The following IKZF2 variants were observed in gnomAD, a reference collection of about 807,000 sequenced individuals.
The protein encoded by IKZF2 is zinc finger protein Helios.
IKZF2 carries 15 observed loss-of-function variants against 49.2 expected under a neutral mutation model. The ratio of observed to expected loss-of-function variants is 0.30; its 90% CI spans 0.20 to 0.47. IKZF2 has a LOEUF of 0.47. IKZF2 is among the 20% of genes least tolerant of loss of function. The pLI, the probability that IKZF2 is intolerant of heterozygous loss-of-function variation, is 1.00. For synonymous variants in IKZF2, 227 were observed against 221.4 expected (o/e 1.03, Z -0.23); for missense variants, 567 against 664.6 (o/e 0.85, Z 1.61).
At chr2:213,037,227 CT>C (rs1699119164) in intron 6 of IKZF2, among the ~76,000 whole-genome samples, 4 of 152,276 alleles carry the variant, frequency 2.6e-5, no homozygotes, top group African/African-American at 9.6e-5. Flanking sequence ...TTCTTTAGAA[CT>C]CCTGATAATA....
intron 4 of IKZF2, among the ~76,000 whole-genome samples, chr2:213,146,423 T>A (rs534755989): frequency 6.6e-6 from 1 of 152,172 alleles, no homozygotes; most frequent in Admixed American, 6.5e-5. Flanking sequence ...AAGGACTGCT[T>A]CTATAATTAA....
At chr2:213,101,844 C>G (rs910829004) in intron 4 of IKZF2, among the ~76,000 whole-genome samples, 5 of 152,126 alleles carry the variant, frequency 3.3e-5, no homozygotes, top group Non-Finnish European at 7.4e-5. Flanking sequence ...TACACTCACA[C>G]CTAGAGTGCA....
chr2:213,006,300 A>C lies in IKZF2; in HGVS notation c.*1060T>G, dbSNP rs1207912204. On this transcript the variant is annotated 3_prime_UTR_variant, in exon 9 of 9. Transcript: ENST00000434687. ...CACCGGGAGGTCACATCTTGAAAAA[A>C]ACTAGTGAAAAGAGAAATACCAGAA... 1.3e-5 allele frequency: 2 copies of C among 152,470 alleles called. No individual in the cohort carries two copies. Among genetic ancestry groups the C allele is most frequent in the African/African-American group, 2.4e-5 (1 of 41,414 alleles). 9.4% of individuals were successfully genotyped at this position (152,470 alleles called of 1,614,324 possible).
intron 4 of IKZF2, among the ~76,000 whole-genome samples, chr2:213,100,789 G>C (rs138717204): frequency 6.6e-6 from 1 of 151,862 alleles, no homozygotes. Flanking sequence ...CTTTTTAAAG[G>C]CCAGGTACTT....
At chr2:213,095,937 T>A (rs1559267707) in intron 4 of IKZF2, among the ~76,000 whole-genome samples, 3 of 151,902 alleles carry the variant, frequency 2.0e-5, no homozygotes, top group Admixed American at 6.6e-5. Flanking sequence ...GAAAAAAAAA[T>A]TCCCATTTGT....
chr2:213,105,465 A>G (rs2059492537), intron 4 of IKZF2, among the ~76,000 whole-genome samples: 1 of 150,888 alleles, frequency 6.6e-6, no homozygotes, highest in Admixed American at 6.7e-5. Flanking sequence ...TCATTCCTGG[A>G]CTGGTTTTCT....
At chr2:213,124,252 G>GCGCGCGCGCGCACA (rs1270409984) in intron 4 of IKZF2, among the ~76,000 whole-genome samples, 4 of 136,232 alleles carry the variant, frequency 2.9e-5, no homozygotes, top group East Asian at 5.3e-4. Context: ...GCGCGCGCGC[G>GCGCGCGCGCGCACA]CACACACACA....
intron 4 of IKZF2, among the ~76,000 whole-genome samples, chr2:213,135,775 G>C (rs1179392660): frequency 2.0e-5 from 3 of 151,568 alleles, no homozygotes; most frequent in South Asian, 2.1e-4. Context: ...GAGAAGAGAA[G>C]ACAAGACAAG....
chr2:213,018,159 G>A (rs2125084731), intron 7 of IKZF2, among the ~76,000 whole-genome samples: 1 of 152,124 alleles, frequency 6.6e-6, no homozygotes. Context: ...TGATTTTAAA[G>A]CTTTTCCTTC....
chr2:213,112,408 T>C lies in IKZF2; in HGVS notation c.139+35300A>G, dbSNP rs184058362. ...CTATGTATGTCTAAATACATATTAATGTTTATGAAAATGGCTTAATGAAAC... is the reference window on the plus strand; with the variant it reads ...CTATGTATGTCTAAATACATATTAACGTTTATGAAAATGGCTTAATGAAAC... On this transcript the variant is annotated intron_variant, in intron 4 of 8. Coordinates refer to ENST00000434687, the MANE Select transcript of IKZF2 (RefSeq NM_001387220.1). 4.7e-5 allele frequency among the ~76,000 whole-genome samples: 7 copies of C among 147,890 alleles called. No homozygotes were observed. The East Asian group carries it at 1.4e-3, about 29-fold the overall frequency.
intron 4 of IKZF2, among the ~76,000 whole-genome samples, chr2:213,097,141 A>C (rs1005540078): frequency 1.3e-5 from 2 of 151,982 alleles, no homozygotes; most frequent in Non-Finnish European, 2.9e-5. Flanking sequence ...ATGCAGTTTA[A>C]TGAGATAATT....
At chr2:213,011,334 A>G (rs1695925760) in intron 8 of IKZF2, among the ~76,000 whole-genome samples, 1 of 152,020 alleles carries the variant, frequency 6.6e-6, no homozygotes, top group African/African-American at 2.4e-5. Context: ...TTAAATGCTG[A>G]TAGGAAATGC....
chr2:213,097,168 T>C (rs1276924119), intron 4 of IKZF2, among the ~76,000 whole-genome samples: 1 of 151,980 alleles, frequency 6.6e-6, no homozygotes, highest in Non-Finnish European at 1.5e-5. Flanking sequence ...CTTTTTATGC[T>C]AATTAGTACA....
chr2:213,092,959 G>C (rs1705521327), intron 4 of IKZF2, among the ~76,000 whole-genome samples: 1 of 152,124 alleles, frequency 6.6e-6, no homozygotes, highest in Admixed American at 6.5e-5. Flanking sequence ...CAGCTTTACA[G>C]AGCAGAATAC....
intron 4 of IKZF2, among the ~76,000 whole-genome samples, chr2:213,097,129 G>T (rs765275593): frequency 6.6e-6 from 1 of 151,728 alleles, no homozygotes; most frequent in Admixed American, 6.6e-5. Context: ...AAGGCTAATG[G>T]CATGCAGTTT....
chr2:213,061,558 A>T (rs908425634), intron 4 of IKZF2, among the ~76,000 whole-genome samples: 6 of 151,520 alleles, frequency 4.0e-5, no homozygotes, highest in African/African-American at 1.4e-4. Flanking sequence ...AAAATGCACA[A>T]CAGTCATTAC....
intron 4 of IKZF2, among the ~76,000 whole-genome samples, chr2:213,127,534 G>A (rs920523): frequency 0.95 from 144,565 of 152,274 alleles, 68,650 homozygotes; most frequent in East Asian, 1. Context: ...GATGTGATAC[G>A]GTATTGATCA....
chr2:213,116,026 A>C (rs1451643909), intron 4 of IKZF2, among the ~76,000 whole-genome samples: 1 of 152,232 alleles, frequency 6.6e-6, no homozygotes, highest in East Asian at 1.9e-4. Flanking sequence ...GCACTGTTTG[A>C]ACCTCTTTTA....
chr2:213,106,809 T>C (rs1306364097), intron 4 of IKZF2, among the ~76,000 whole-genome samples: 3 of 152,168 alleles, frequency 2.0e-5, no homozygotes, highest in African/African-American at 7.2e-5. Context: ...TTTTGTACTA[T>C]GATGAACACA....
Sources: allele counts gnomAD v4.1 joint callset (sites outside exome capture counted in the v4.1 genomes callset), GRCh38; gene constraint gnomAD v4.1.1; transcripts MANE v1.5; gene names NCBI Gene and HGNC (gene_info 2026-07-23, HGNC 2026-07-21).